Variants in LRP1B observed in about 807,000 individuals in gnomAD.
LRP1B encodes the protein LDL receptor related protein 1B, also known as low-density lipoprotein receptor-related protein 1B.
A neutral mutation model predicts 556.6 loss-of-function variants in LRP1B; 217 were observed. The observed-to-expected ratio is 0.39, with a 90% CI of 0.35 to 0.44. LRP1B has a LOEUF of 0.44. Among genes scored for constraint, LRP1B ranks in the 20% least tolerant of loss-of-function variants. The pLI is 1.00. For synonymous variants in LRP1B, 2,047 were observed against 1,865.8 expected, an observed-to-expected ratio of 1.10 and a Z score of -2.50; for missense variants, 5,053 against 5,620.8, an observed-to-expected ratio of 0.90 and a Z score of 3.23.
At chr2:141,147,249 A>G (rs1701808570) in intron 7 of LRP1B, among the ~76,000 whole-genome samples, 2 of 152,094 alleles carry the variant, frequency 1.3e-5, no homozygotes, top group Non-Finnish European at 2.9e-5. Flanking sequence ...TAGGCTCTTC[A>G]GTGCCTCAAC....
intron 25 of LRP1B, among the ~76,000 whole-genome samples, chr2:140,876,809 T>A (rs545518759): frequency 2.2e-4 from 34 of 152,274 alleles, no homozygotes; most frequent in African/African-American, 7.7e-4. Context: ...GAAAAATATT[T>A]TTTTTTCTTG....
At chr2:140,317,122 G>A (rs1684559689) in intron 82 of LRP1B, among the ~76,000 whole-genome samples, 2 of 152,044 alleles carry the variant, frequency 1.3e-5, no homozygotes, top group African/African-American at 4.8e-5. Flanking sequence ...GACCTGGATT[G>A]GAGAGGGTAA....
intron 77 of LRP1B, among the ~76,000 whole-genome samples, chr2:140,348,000 C>A (rs1681770976): frequency 6.6e-6 from 1 of 151,910 alleles, no homozygotes; most frequent in African/African-American, 2.4e-5. Flanking sequence ...ATTATTAATA[C>A]ATAAGACAGA....
chr2:142,001,540 G>A (rs1163322452), intron 1 of LRP1B, among the ~76,000 whole-genome samples: 1 of 152,134 alleles, frequency 6.6e-6, no homozygotes, highest in Non-Finnish European at 1.5e-5. Context: ...AAAACGCAAA[G>A]AAAGGTAAGG....
chr2:140,586,700 A>G (rs1297154942), intron 43 of LRP1B: 34 of 152,048 alleles, frequency 2.2e-4, no homozygotes, highest in Non-Finnish European at 1.5e-5. Flanking sequence ...GGGACCTGCT[A>G]CTCCGATAGG....
intron 7 of LRP1B, among the ~76,000 whole-genome samples, chr2:141,063,590 A>T (rs1157188140): frequency 1.3e-5 from 2 of 151,812 alleles, no homozygotes; most frequent in African/African-American, 2.4e-5. Flanking sequence ...ATGCTAAACG[A>T]TCAAATCACT....
chr2:141,175,163 C>T (rs991628473), intron 7 of LRP1B, among the ~76,000 whole-genome samples: 2 of 152,014 alleles, frequency 1.3e-5, no homozygotes, highest in Non-Finnish European at 2.9e-5. Flanking sequence ...GAAAATGGAA[C>T]TTATATTTAA....
chr2:141,754,633 A>C (rs1694253687), intron 2 of LRP1B, among the ~76,000 whole-genome samples: 1 of 152,140 alleles, frequency 6.6e-6, no homozygotes, highest in African/African-American at 2.4e-5. Flanking sequence ...AGTTTACCAA[A>C]GTTTCTCCAG....
At chr2:141,703,246 A>G (rs1692012929) in intron 2 of LRP1B, among the ~76,000 whole-genome samples, 3 of 151,866 alleles carry the variant, frequency 2.0e-5, no homozygotes. Flanking sequence ...AGGTGTTATA[A>G]GGAACCTCTT....
At chr2:140,515,257 A>G (rs1185987016) in intron 50 of LRP1B, among the ~76,000 whole-genome samples, 1 of 152,022 alleles carries the variant, frequency 6.6e-6, no homozygotes, top group African/African-American at 2.4e-5. Context: ...TAGCTTGAAG[A>G]CAACCTGACA....
chr2:140,512,052 T>C (rs758252567), intron 51 of LRP1B, among the ~76,000 whole-genome samples: 2 of 152,214 alleles, frequency 1.3e-5, no homozygotes, highest in Non-Finnish European at 2.9e-5. Flanking sequence ...TTGATAAATG[T>C]AAAATTTCTT....
At chr2:141,807,680 G>A (rs973325487) in intron 2 of LRP1B, among the ~76,000 whole-genome samples, 1 of 152,012 alleles carries the variant, frequency 6.6e-6, no homozygotes, top group Non-Finnish European at 1.5e-5. Context: ...CCAATTTGAG[G>A]CCTCCATCTG....
intron 41 of LRP1B, among the ~76,000 whole-genome samples, chr2:140,653,033 G>GA (rs1447002229): frequency 6.6e-6 from 1 of 151,966 alleles, no homozygotes; most frequent in African/African-American, 2.4e-5. Context: ...TCTCCAACAG[G>GA]AAAGACCCAG....
rs569726488 is a variant in LRP1B at position 141,148,695 on chromosome 2, G to A, written c.1013+39726C>T. Among the ~76,000 whole-genome samples, 10 of 152,264 alleles carry A rather than the reference G, an allele frequency of 6.6e-5. No homozygotes were observed. In the East Asian group the frequency reaches 9.7e-4, roughly 15 times the overall value. On this transcript the variant is annotated intron_variant, in intron 7 of 90. Transcript: ENST00000389484. ...CTGTGCATGAAATACCATTATCTTA[G>A]ATTCAAGTGATGGATGTTCTCAGTG...
intron 66 of LRP1B, among the ~76,000 whole-genome samples, chr2:140,419,799 G>A (rs750235016): frequency 2.0e-5 from 3 of 152,112 alleles, no homozygotes; most frequent in Non-Finnish European, 2.9e-5. Flanking sequence ...CTTGAGGTCA[G>A]GAGTTCAAGA....
At chr2:141,958,013 T>C (rs1388658168) in intron 1 of LRP1B, among the ~76,000 whole-genome samples, 1 of 152,042 alleles carries the variant, frequency 6.6e-6, no homozygotes, top group African/African-American at 2.4e-5. Flanking sequence ...AGTGTTGTAA[T>C]CTCAATCCTG....
intron 60 of LRP1B, among the ~76,000 whole-genome samples, chr2:140,474,370 A>C (rs150358289): frequency 2.0e-5 from 3 of 151,988 alleles, no homozygotes; most frequent in East Asian, 3.9e-4. Context: ...ATGCCAGAGA[A>C]GGAAGTAACT....
chr2:141,045,510 C>T (rs1037811839), intron 11 of LRP1B, among the ~76,000 whole-genome samples: 4 of 151,974 alleles, frequency 2.6e-5, no homozygotes, highest in Admixed American at 2.0e-4. Context: ...TTACACCTGG[C>T]AAGAATGGCT....
intron 31 of LRP1B, among the ~76,000 whole-genome samples, chr2:140,826,620 C>G (rs1055064461): frequency 1.3e-5 from 2 of 152,148 alleles, no homozygotes; most frequent in African/African-American, 4.8e-5. Context: ...CATAATGCCC[C>G]TCCCCCAATC....
Sources: allele counts gnomAD v4.1 joint callset (sites outside exome capture counted in the v4.1 genomes callset), GRCh38; gene constraint gnomAD v4.1.1; transcripts MANE v1.5; gene names NCBI Gene and HGNC (gene_info 2026-07-23, HGNC 2026-07-21).